The following HMGXB4 variants were observed in gnomAD, a reference collection of about 807,000 sequenced individuals.
HMGXB4 encodes the protein HMG-box containing 4.
HMGXB4 carries 27 observed loss-of-function variants against 63.9 expected under a neutral mutation model. That is an observed-to-expected ratio of 0.42 (90% CI 0.31 to 0.58). The LOEUF is 0.58. HMGXB4 is among the 20% of genes least tolerant of loss of function. The pLI is 0.13. For synonymous variants in HMGXB4, 264 were observed against 265.3 expected, an observed-to-expected ratio of 0.99 and a Z score of 0.05; for missense variants, 624 against 700.7, an observed-to-expected ratio of 0.89 and a Z score of 1.24.
At chr22:35,243,809 G>T in the HMGXB4 span, among the ~76,000 whole-genome samples, 1 of 152,178 alleles carries the variant, frequency 6.6e-6, no homozygotes, top group East Asian at 1.9e-4. Flanking sequence ...CTCCCAAAGT[G>T]CTGGCATTAC....
At chr22:35,279,348 A>G (rs146146727) in intron 5 of HMGXB4, among the ~76,000 whole-genome samples, 4,678 of 151,754 alleles carry the variant, frequency 0.031, 99 homozygotes, top group East Asian at 0.078. Context: ...GGGTTTCTCC[A>G]TGTTGGTCTC....
In HMGXB4 at chr22:35,295,167, A is replaced by C. The variant is rs1490629630; in HGVS notation, c.*1516A>C. 6.6e-6 allele frequency: 1 copy of C among 152,206 alleles called. No individual in the cohort carries two copies. Among genetic ancestry groups the C allele is most frequent in the African/African-American group, 2.4e-5 (1 of 41,438 alleles). 9.4% of individuals were successfully genotyped at this position (152,206 alleles called of 1,614,324 possible). ...GCCCTGACAGAGCACTACAGCATCA[A>C]AGTAAATCTTTGGGGACAGTGTAGC... On this transcript the variant is annotated 3_prime_UTR_variant, in exon 11 of 11. Transcript: ENST00000216106.
chr22:35,263,290 G>GTTT lies in HMGXB4; in HGVS notation c.180+71_180+73dup. 26 of 987,532 alleles carry GTTT rather than the reference G, an allele frequency of 2.6e-5. No individual in the cohort carries two copies. In the South Asian group the frequency reaches 3.3e-4, roughly 12 times the overall value. The allele number at this position is 987,532 out of a possible 1,614,324, so 61.2% of individuals were successfully genotyped here. A position where few individuals can be genotyped will look rare whatever the true frequency, so the allele number is the denominator to read the frequency against. ...ACTCATTTTTTTTTGGTGATGCAGA[G>GTTT]TTTTTTTTTGTTTTTTTTTTTTTTC... On this transcript the variant is annotated intron_variant, in intron 3 of 10. Transcript: ENST00000216106.
the HMGXB4 span, among the ~76,000 whole-genome samples, chr22:35,249,011 C>G: frequency 5.8e-4 from 88 of 152,110 alleles, 3 homozygotes; most frequent in Non-Finnish European, 5.6e-4. Flanking sequence ...CTAATGTAGA[C>G]TTTATAAACA....
upstream of HMGXB4, among the ~76,000 whole-genome samples, chr22:35,254,167 T>C (rs1922299798): frequency 6.6e-6 from 1 of 152,120 alleles, no homozygotes; most frequent in Non-Finnish European, 1.5e-5. Flanking sequence ...ACCAGGCAGT[T>C]TTCCTTAGAT....
upstream of HMGXB4, among the ~76,000 whole-genome samples, chr22:35,253,965 A>G (rs1922293552): frequency 6.6e-6 from 1 of 152,184 alleles, no homozygotes; most frequent in Non-Finnish European, 1.5e-5. Flanking sequence ...GGTAGTTTTA[A>G]TTAGGTCCTG....
upstream of HMGXB4, among the ~76,000 whole-genome samples, chr22:35,255,889 C>A (rs146477624): frequency 6.6e-6 from 1 of 152,362 alleles, no homozygotes; most frequent in African/African-American, 2.4e-5. Flanking sequence ...GAAATGCAAT[C>A]TAACACCTTT....
the HMGXB4 span, among the ~76,000 whole-genome samples, chr22:35,250,719 C>T: frequency 1.3e-5 from 2 of 152,144 alleles, no homozygotes; most frequent in African/African-American, 2.4e-5. Flanking sequence ...GCTTGGCTCA[C>T]ATGACATAAC....
At chr22:35,276,464 C>T (rs1923919977) in intron 5 of HMGXB4, among the ~76,000 whole-genome samples, 1 of 152,204 alleles carries the variant, frequency 6.6e-6, no homozygotes, top group South Asian at 2.1e-4. Flanking sequence ...AGATTTATAT[C>T]TCCTGTCCCA....
intron 5 of HMGXB4, among the ~76,000 whole-genome samples, chr22:35,280,317 A>G (rs1924169404): frequency 6.6e-6 from 1 of 152,244 alleles, no homozygotes; most frequent in Admixed American, 6.5e-5. Flanking sequence ...GTTAAATGGT[A>G]TTATCCAAGT....
intron 5 of HMGXB4, among the ~76,000 whole-genome samples, chr22:35,274,903 ACAAGTCCAGGCTC>A (rs142297613): frequency 3.5e-4 from 54 of 152,302 alleles, no homozygotes; most frequent in African/African-American, 1.3e-3. Flanking sequence ...TAAAATGGTT[ACAAGTCCAGGCTC>A]CAAAGCCAGG....
chr22:35,272,490 A>G (rs984512553), intron 5 of HMGXB4, among the ~76,000 whole-genome samples: 5 of 152,216 alleles, frequency 3.3e-5, no homozygotes, highest in African/African-American at 1.2e-4. Flanking sequence ...GGAAGAGTAG[A>G]GAAATTATAT....
At chr22:35,278,843 C>G (rs1175048265) in intron 5 of HMGXB4, among the ~76,000 whole-genome samples, 2 of 143,112 alleles carry the variant, frequency 1.4e-5, no homozygotes, top group East Asian at 4.1e-4. Context: ...AAGTTGGAGT[C>G]TCACTGTGGC....
the HMGXB4 span, among the ~76,000 whole-genome samples, chr22:35,242,721 T>C: frequency 3.9e-5 from 6 of 152,222 alleles, no homozygotes; most frequent in South Asian, 4.1e-4. Context: ...GCTTCAATTA[T>C]TGATTTAGAC....
chr22:35,258,110 A>G (rs1289727339), intron 1 of HMGXB4: 2 of 152,278 alleles, frequency 1.3e-5, no homozygotes, highest in Non-Finnish European at 2.9e-5. Context: ...TGTTGCCGCA[A>G]AACTGCCGGG....
chr22:35,270,547 C>T (rs976153117), intron 5 of HMGXB4, among the ~76,000 whole-genome samples: 2 of 152,184 alleles, frequency 1.3e-5, no homozygotes, highest in Admixed American at 6.5e-5. Context: ...TCCACGAAAC[C>T]GGTACCCGGT....
At position 35,263,293 on chromosome 22, in the gene HMGXB4, T is replaced by A. The variant is rs928222869; in HGVS notation, c.180+67T>A. ...CATTTTTTTTTGGTGATGCAGAGTT[T>A]TTTTTTGTTTTTTTTTTTTTTCTCT... On this transcript the variant is annotated intron_variant, in intron 3 of 10. Transcript: ENST00000216106. The A allele has an allele frequency of 1.5e-5, 19 of 1,296,690 alleles. No individual in the cohort carries two copies. In the African/African-American group the frequency reaches 1.5e-4, roughly 10 times the overall value. 80.3% of individuals were successfully genotyped at this position (1,296,690 alleles called of 1,614,324 possible).
chr22:35,258,935 G>A (rs987539599), intron 1 of HMGXB4, among the ~76,000 whole-genome samples: 1 of 152,146 alleles, frequency 6.6e-6, no homozygotes, highest in East Asian at 1.9e-4. Context: ...ACATTATGGG[G>A]TGAAGAAGGT....
intron 5 of HMGXB4, among the ~76,000 whole-genome samples, chr22:35,265,942 A>G (rs900490581): frequency 3.7e-5 from 5 of 135,784 alleles, no homozygotes; most frequent in African/African-American, 1.4e-4. Context: ...CACCCGACTA[A>G]TTTTTTTTTT....
Sources: gnomAD v4.1 joint callset for allele counts (sites outside exome capture counted in the v4.1 genomes callset) on GRCh38, gnomAD v4.1.1 for gene constraint, MANE v1.5 for transcripts, NCBI Gene and HGNC (gene_info 2026-07-23, HGNC 2026-07-21) for gene names.